NOVA1: variants seen among roughly 807,000 people sequenced by gnomAD.
NOVA1 encodes RNA-binding protein Nova-1.
NOVA1 carries 7 observed loss-of-function variants against 38.0 expected under a neutral mutation model. The observed-to-expected ratio is 0.18, with a 90% CI of 0.10 to 0.35. The LOEUF is 0.35. Among genes scored for constraint, NOVA1 ranks in the 10% least tolerant of loss-of-function variants. The pLI is 1.00. For missense variants in NOVA1, 460 were observed against 616.0 expected (o/e 0.75, Z 2.68); for synonymous variants, 270 against 232.5 (o/e 1.16, Z -1.47).
intron 3 of NOVA1, among the ~76,000 whole-genome samples, chr14:26,475,281 T>A (rs1884895977): frequency 6.6e-6 from 1 of 152,298 alleles, no homozygotes; most frequent in East Asian, 1.9e-4. Flanking sequence ...ATCCTCTGTC[T>A]TGGCCTCCTA....
chr14:26,524,290 A>G (rs937322106), intron 2 of NOVA1, among the ~76,000 whole-genome samples: 2 of 152,144 alleles, frequency 1.3e-5, no homozygotes. Context: ...ATATCTTTGG[A>G]GAGTAAGACC....
chr14:26,545,199 C>T (rs1424005656), intron 2 of NOVA1, among the ~76,000 whole-genome samples: 1 of 151,860 alleles, frequency 6.6e-6, no homozygotes, highest in African/African-American at 2.4e-5. Flanking sequence ...AGTACAAAGG[C>T]AGTTACATTA....
intron 2 of NOVA1, among the ~76,000 whole-genome samples, chr14:26,500,541 A>G (rs912895743): frequency 6.6e-6 from 1 of 152,034 alleles, no homozygotes; most frequent in Non-Finnish European, 1.5e-5. Flanking sequence ...TGTCAGAACT[A>G]TGATGTCTCT....
chr14:26,509,686 G>T (rs182946626), intron 2 of NOVA1, among the ~76,000 whole-genome samples: 219 of 152,160 alleles, frequency 1.4e-3, no homozygotes, highest in South Asian at 9.5e-3. Context: ...CATGCATATG[G>T]GGTTTTTTCT....
chr14:26,583,880 T>TTC (rs1893364372), intron 2 of NOVA1, among the ~76,000 whole-genome samples: 1 of 55,906 alleles, frequency 1.8e-5, no homozygotes, highest in African/African-American at 6.3e-5. Context: ...CAGCATCAAA[T>TTC]TCACACACAC....
chr14:26,509,520 T>C (rs190442542), intron 2 of NOVA1, among the ~76,000 whole-genome samples: 274 of 152,260 alleles, frequency 1.8e-3, no homozygotes, highest in African/African-American at 5.6e-3. Context: ...TGTAATGCGA[T>C]TGACAGAGCA....
chr14:26,589,013 T>C (rs1893690145), intron 2 of NOVA1, among the ~76,000 whole-genome samples: 1 of 151,384 alleles, frequency 6.6e-6, no homozygotes, highest in Non-Finnish European at 1.5e-5. Context: ...AAAAAAAACC[T>C]GTGCAAACTC....
At chr14:26,504,760 A>G (rs1455381157) in intron 2 of NOVA1, among the ~76,000 whole-genome samples, 2 of 135,622 alleles carry the variant, frequency 1.5e-5, no homozygotes, top group Admixed American at 1.6e-4. Context: ...CTGCTGAATG[A>G]ACAAACGACA....
At chr14:26,473,456 A>T (rs1017906313) in intron 3 of NOVA1, among the ~76,000 whole-genome samples, 1 of 151,912 alleles carries the variant, frequency 6.6e-6, no homozygotes, top group Non-Finnish European at 1.5e-5. Flanking sequence ...GTTTTATATT[A>T]TATTAATATC....
At chr14:26,486,103 T>C (rs1407069353) in intron 2 of NOVA1, among the ~76,000 whole-genome samples, 1 of 152,168 alleles carries the variant, frequency 6.6e-6, no homozygotes, top group Non-Finnish European at 1.5e-5. Flanking sequence ...TCAACATGTT[T>C]TTATTTCATG....
intron 2 of NOVA1, among the ~76,000 whole-genome samples, chr14:26,482,029 A>T (rs1258636909): frequency 1.3e-5 from 2 of 149,276 alleles, no homozygotes; most frequent in Non-Finnish European, 3.0e-5. Flanking sequence ...GCTCTAAATA[A>T]CTAAAGAGAT....
intron 1 of NOVA1, chr14:26,596,523 C>T (rs1894202270): frequency 7.8e-7 from 1 of 1,286,952 alleles, no homozygotes; most frequent in South Asian, 1.2e-5. Flanking sequence ...TGGTGTGCCA[C>T]TCAAAAGACC....
chr14:26,555,188 T>C lies in NOVA1; in HGVS notation c.280+40222A>G, dbSNP rs530159872. Among the ~76,000 whole-genome samples, 4 of 152,268 alleles carry C rather than the reference T, an allele frequency of 2.6e-5. No individual in the cohort carries two copies. The South Asian group carries it at 6.2e-4, about 24-fold the overall frequency. ...GTAGAGAATACTTTGCTCTGACTTATAGTTTAATAACAGAATCTTCCCCTA... is the reference window on the plus strand; with the variant it reads ...GTAGAGAATACTTTGCTCTGACTTACAGTTTAATAACAGAATCTTCCCCTA... On this transcript the variant is annotated intron_variant, in intron 2 of 4. Coordinates refer to ENST00000539517, the MANE Select transcript of NOVA1 (RefSeq NM_002515.3).
intron 2 of NOVA1, among the ~76,000 whole-genome samples, chr14:26,507,269 A>C (rs1049153298): frequency 9.7e-5 from 7 of 72,098 alleles, no homozygotes; most frequent in African/African-American, 2.5e-4. Flanking sequence ...CATTCAACTC[A>C]TTGTAAAAAA....
chr14:26,528,711 G>T (rs1341650409), intron 2 of NOVA1, among the ~76,000 whole-genome samples: 1 of 152,200 alleles, frequency 6.6e-6, no homozygotes, highest in African/African-American at 2.4e-5. Flanking sequence ...GAAAGCTGCT[G>T]ATTGCAGGAG....
At chr14:26,579,779 T>G (rs1240522037) in intron 2 of NOVA1, among the ~76,000 whole-genome samples, 1 of 152,192 alleles carries the variant, frequency 6.6e-6, no homozygotes, top group Non-Finnish European at 1.5e-5. Flanking sequence ...TTTAGTAGAA[T>G]TACACTACTA....
chr14:26,471,743 A>G (rs1218499417), intron 4 of NOVA1, among the ~76,000 whole-genome samples: 1 of 152,062 alleles, frequency 6.6e-6, no homozygotes, highest in African/African-American at 2.4e-5. Flanking sequence ...GAAAATGCTT[A>G]GAATTTTTTA....
chr14:26,557,982 G>A (rs1195960768), intron 2 of NOVA1, among the ~76,000 whole-genome samples: 2 of 149,300 alleles, frequency 1.3e-5, no homozygotes, highest in African/African-American at 2.5e-5. Flanking sequence ...AACCTTAAAC[G>A]CATCTTGTTA....
At chr14:26,550,119 CT>C (rs1891072905) in intron 2 of NOVA1, among the ~76,000 whole-genome samples, 1 of 152,082 alleles carries the variant, frequency 6.6e-6, no homozygotes, top group African/African-American at 2.4e-5. Flanking sequence ...AACCCAAATA[CT>C]TATATTGATT....
Sources: allele counts gnomAD v4.1 joint callset (sites outside exome capture counted in the v4.1 genomes callset), GRCh38; gene constraint gnomAD v4.1.1; transcripts MANE v1.5; gene names NCBI Gene and HGNC (gene_info 2026-07-23, HGNC 2026-07-21).